TGFB2: variants seen among roughly 807,000 people sequenced by gnomAD.
TGFB2 encodes the protein transforming growth factor beta 2, also known as transforming growth factor beta-2 proprotein.
Under a neutral mutation model 42.7 loss-of-function variants are expected in TGFB2, and 13 were observed. That is an observed-to-expected ratio of 0.30 (90% confidence interval 0.20 to 0.48). TGFB2 has a LOEUF of 0.48. TGFB2 is among the 20% of genes least tolerant of loss of function. TGFB2 has a pLI of 0.99. For synonymous variants in TGFB2, 193 were observed against 193.6 expected (o/e 1.00, Z 0.03); for missense variants, 390 against 517.5 (o/e 0.75, Z 2.39).
Position 218,441,221 on chromosome 1 carries a change from T to C in TGFB2, c.1104T>C (p.Asn368=), listed in dbSNP as rs778362558. 5.0e-6 allele frequency: 8 copies of C among 1,612,694 alleles called. No homozygotes were observed. Among genetic ancestry groups the C allele is most frequent in the Non-Finnish European group, 6.8e-6 (8 of 1,179,720 alleles). Residue 368 remains asparagine (N), a synonymous_variant, in exon 7 of 7, where the codon AAT becomes AAC. Coordinates refer to ENST00000366930, the MANE Select transcript of TGFB2 (RefSeq NM_003238.6). ...CCTTTCAGGTCCTGAGCTTATATAA[T>C]ACCATAAATCCAGAAGCATCTGCTT... ...TQHSRVLSLY[N]TINPEASASP... is the part of the protein sequence containing the mutation.
Position 218,346,276 on chromosome 1 carries a change from T to G in TGFB2, c.-426T>G. 1 of 158,812 alleles carries G rather than the reference T, an allele frequency of 6.3e-6. No homozygotes were observed. Among genetic ancestry groups the G allele is most frequent in the Non-Finnish European group, 1.4e-5 (1 of 72,772 alleles). The allele number at this position is 158,812 out of a possible 1,614,324, so 9.8% of individuals were successfully genotyped here. A position where few individuals can be genotyped will look rare whatever the true frequency, so the allele number is the denominator to read the frequency against. On this transcript the variant is annotated 5_prime_UTR_variant, in exon 1 of 7. Transcript: ENST00000366930. This position sits in a 1 kb window ranked among gnomAD's most constrained non-coding sequence, Gnocchi z 4.9. The stretch of plus-strand genomic sequence containing the variant: ...CGCCAGCTGCCAGCCCCGGGACCTT[T>G]TCATCTCTTCCCTTTTGGCCGGAGG...
At chr1:218,362,336 G>T (rs1017639691) in intron 1 of TGFB2, among the ~76,000 whole-genome samples, 1 of 152,186 alleles carries the variant, frequency 6.6e-6, no homozygotes, top group Non-Finnish European at 1.5e-5. Flanking sequence ...TGATATTCAT[G>T]CCAGGCCCTA....
intron 1 of TGFB2, among the ~76,000 whole-genome samples, chr1:218,362,801 T>C (rs1185647802): frequency 1.3e-5 from 2 of 152,354 alleles, no homozygotes; most frequent in African/African-American, 2.4e-5. Flanking sequence ...GAGCTCTAGC[T>C]TTTTAAACTG....
chr1:218,349,126 C>A (rs10482728), intron 1 of TGFB2, among the ~76,000 whole-genome samples: 4 of 152,042 alleles, frequency 2.6e-5, no homozygotes, highest in African/African-American at 9.7e-5. Flanking sequence ...TGAAAACCTC[C>A]GATACGTCCA....
chr1:218,394,842 A>G (rs942226529), intron 1 of TGFB2, among the ~76,000 whole-genome samples: 1 of 152,130 alleles, frequency 6.6e-6, no homozygotes, highest in Admixed American at 6.5e-5. Context: ...AAATTTCAGA[A>G]AACCCCAAAA....
At position 218,422,285 on chromosome 1, in the gene TGFB2, T is replaced by C. The variant is rs146157513; in HGVS notation, c.511-11797T>C. ...CAGGCTGGAATGCAGTGGTACAATCTTGGCTCGCTGCAGCCTCAACCTCCC... is the reference window on the plus strand; with the variant it reads ...CAGGCTGGAATGCAGTGGTACAATCCTGGCTCGCTGCAGCCTCAACCTCCC... On this transcript the variant is annotated intron_variant, in intron 2 of 6. Coordinates refer to ENST00000366930, the MANE Select transcript of TGFB2 (RefSeq NM_003238.6). Among the ~76,000 whole-genome samples, 5 of 152,090 alleles carry C rather than the reference T, an allele frequency of 3.3e-5. No homozygotes were observed. In the South Asian group the frequency reaches 6.2e-4, roughly 19 times the overall value.
chr1:218,355,676 A>T (rs1381699538), intron 1 of TGFB2, among the ~76,000 whole-genome samples: 2 of 152,188 alleles, frequency 1.3e-5, no homozygotes, highest in Non-Finnish European at 2.9e-5. Context: ...GTTGTAAAGG[A>T]TGATGTGTGT....
At position 218,346,218 on chromosome 1, in the gene TGFB2, C is replaced by G. The variant is rs1173635843; in HGVS notation, c.-484C>G. On this transcript the variant is annotated 5_prime_UTR_variant, in exon 1 of 7. Coordinates refer to ENST00000366930, the MANE Select transcript of TGFB2 (RefSeq NM_003238.6). This position sits in a 1 kb window ranked among gnomAD's most constrained non-coding sequence, Gnocchi z 4.9. ...GCCCAGGTCAGCCTCGGCGGCCCCC[C>G]TCACCGCGCTCCCGGCGCCCCTCCC... 1.3e-5 allele frequency: 2 copies of G among 157,034 alleles called. No homozygotes were observed. Among genetic ancestry groups the G allele is most frequent in the African/African-American group, 4.8e-5 (2 of 41,492 alleles). The allele number at this position is 157,034 out of a possible 1,614,324, so 9.7% of individuals were successfully genotyped here.
intron 1 of TGFB2, 66 bp downstream of exon 1, chr1:218,347,113 C>A: frequency 6.9e-7 from 1 of 1,447,048 alleles, no homozygotes; most frequent in Non-Finnish European, 9.3e-7. Context: ...AAAACCGCAG[C>A]AGCTCCCGGG....
intron 1 of TGFB2, among the ~76,000 whole-genome samples, chr1:218,355,194 C>G (rs1656994476): frequency 6.6e-6 from 1 of 152,156 alleles, no homozygotes; most frequent in South Asian, 2.1e-4. Context: ...GCCACCGTGC[C>G]CAGCCTTGGT....
rs969479758 is a variant in TGFB2, at chr1:218,346,468, C to T, written c.-234C>T. 1 of 454,666 alleles carries T rather than the reference C, an allele frequency of 2.2e-6. No individual in the cohort carries two copies. The highest frequency in any genetic ancestry group is 3.8e-6 in the Non-Finnish European group (1 of 262,732). The allele number at this position is 454,666 out of a possible 1,614,324, so 28.2% of individuals were successfully genotyped here. On this transcript the variant is annotated 5_prime_UTR_variant, in exon 1 of 7. Coordinates refer to ENST00000366930, the MANE Select transcript of TGFB2 (RefSeq NM_003238.6). The surrounding 1 kb of genome is among the most constrained non-coding windows in gnomAD (Gnocchi z 4.9). The stretch of plus-strand genomic sequence containing the variant: ...CGCCAAAGTCAGGGTTCCCTCTGCC[C>T]GTCCCGTATTAATATTTCCACTTTT...
At chr1:218,439,409 A>G (rs541744969) in intron 6 of TGFB2, among the ~76,000 whole-genome samples, 1 of 152,318 alleles carries the variant, frequency 6.6e-6, no homozygotes, top group East Asian at 1.9e-4. Flanking sequence ...TACTACATTC[A>G]GCTGAATTCA....
intron 1 of TGFB2, among the ~76,000 whole-genome samples, chr1:218,400,304 C>G (rs991612423): frequency 1.3e-5 from 2 of 151,964 alleles, no homozygotes; most frequent in African/African-American, 4.8e-5. Flanking sequence ...CTCTGTCTCT[C>G]TCGCTCTCCA....
intron 1 of TGFB2, among the ~76,000 whole-genome samples, chr1:218,357,232 AAAG>A (rs1657068027): frequency 6.6e-6 from 1 of 152,022 alleles, no homozygotes; most frequent in Non-Finnish European, 1.5e-5. Context: ...AAAAAAAAAA[AAAG>A]AAATCTCAAA....
At chr1:218,389,902 C>T (rs534686604) in intron 1 of TGFB2, among the ~76,000 whole-genome samples, 5 of 152,302 alleles carry the variant, frequency 3.3e-5, no homozygotes, top group African/African-American at 1.2e-4. Flanking sequence ...CCCTGACATA[C>T]GAGAAGTGAT....
chr1:218,358,020 C>T (rs11810236), intron 1 of TGFB2, among the ~76,000 whole-genome samples: 1,794 of 152,332 alleles, frequency 0.012, 32 homozygotes, highest in African/African-American at 0.041. Flanking sequence ...CCACACGACA[C>T]TGACAAATAC....
At chr1:218,388,509 G>C (rs1005834696) in intron 1 of TGFB2, among the ~76,000 whole-genome samples, 2 of 152,194 alleles carry the variant, frequency 1.3e-5, no homozygotes, top group African/African-American at 4.8e-5. Flanking sequence ...GAAAGAGCAG[G>C]CTGTTCTGAA....
At chr1:218,352,391 T>C (rs1453974971) in intron 1 of TGFB2, among the ~76,000 whole-genome samples, 2 of 152,190 alleles carry the variant, frequency 1.3e-5, no homozygotes, top group Non-Finnish European at 2.9e-5. Flanking sequence ...CAAATGCCCA[T>C]TGTCATTTTG....
At chr1:218,426,894 G>A (rs1430927278) in intron 2 of TGFB2, among the ~76,000 whole-genome samples, 2 of 152,082 alleles carry the variant, frequency 1.3e-5, no homozygotes, top group African/African-American at 2.4e-5. Context: ...TCTTTGACAT[G>A]GATGTGCCAA....
Sources: gnomAD v4.1 joint callset for allele counts (sites outside exome capture counted in the v4.1 genomes callset) on GRCh38, gnomAD v4.1.1 for gene constraint, Gnocchi (gnomAD v3.1) non-coding constraint, MANE v1.5 for transcripts, NCBI Gene and HGNC (gene_info 2026-07-23, HGNC 2026-07-21) for gene names.